HERC1: variants seen among roughly 807,000 people sequenced by gnomAD.
The protein encoded by HERC1 is probable E3 ubiquitin-protein ligase HERC1.
In HERC1, 160 loss-of-function variants were observed where a neutral mutation model predicts 554.3. The ratio of observed to expected loss-of-function variants is 0.29; its 90% confidence interval spans 0.25 to 0.33. The LOEUF (loss-of-function observed/expected upper bound fraction) is 0.33. HERC1 is among the 10% of genes least tolerant of loss of function. The probability of loss-of-function intolerance (pLI) is 1.00; values close to 1 mark genes in which losing one functional copy is unlikely to be tolerated. For synonymous variants in HERC1, 2,175 were observed against 2,131.7 expected (o/e 1.02, Z -0.56); for missense variants, 4,919 against 5,918.5 (o/e 0.83, Z 5.54).
rs371486775 is a variant in HERC1 at position 63,737,373 on chromosome 15, GAT to G, written c.2521-2526_2521-2525del. On this transcript the variant is annotated intron_variant, in intron 12 of 77. Coordinates refer to ENST00000443617, the MANE Select transcript of HERC1 (RefSeq NM_003922.4). ...CAGATATATATATATCTTTTTTCCA[GAT>G]ATATATATATATATCGTTTTTCCAG... is the stretch of plus-strand genomic sequence containing the variant. Among the ~76,000 whole-genome samples the G allele has an allele frequency of 9.3e-4, 105 of 113,328 alleles. 1 individual carries two copies. Among genetic ancestry groups the G allele is most frequent in the African/African-American group, 3.4e-3 (92 of 27,386 alleles). The allele number at this position is 113,328 out of a possible 152,430, so 74.3% of individuals were successfully genotyped here.
intron 1 of HERC1, chr15:63,779,831 T>C (rs62020784): frequency 0.23 from 34,376 of 151,656 alleles, 4,857 homozygotes; most frequent in Middle Eastern, 0.35. Context: ...CTTGCCAACA[T>C]GGTGAAACCC....
rs555363532 is a variant in HERC1 at position 63,705,846 on chromosome 15, T to C, written c.4636+934A>G. Reference sequence around the variant, plus strand: ...GGAGTTCAAGACCAGCCTGGGCAAATAGGGAGACCTTATCTCTACAAAAAT... The same window carrying C: ...GGAGTTCAAGACCAGCCTGGGCAAACAGGGAGACCTTATCTCTACAAAAAT... On this transcript the variant is annotated intron_variant, in intron 25 of 77. Coordinates refer to ENST00000443617, the MANE Select transcript of HERC1 (RefSeq NM_003922.4). Among the ~76,000 whole-genome samples, 6 of 151,866 alleles carry C rather than the reference T, an allele frequency of 4.0e-5. No homozygotes were observed. In the East Asian group the frequency reaches 5.8e-4, roughly 15 times the overall value.
intron 1 of HERC1, among the ~76,000 whole-genome samples, chr15:63,809,890 G>C (rs1004464994): frequency 2.0e-5 from 3 of 151,854 alleles, no homozygotes; most frequent in Non-Finnish European, 4.4e-5. Flanking sequence ...ATGTTGCCCA[G>C]ACTAGTCTCG....
intron 64 of HERC1, chr15:63,637,231 T>G: frequency 5.8e-6 from 3 of 515,718 alleles, no homozygotes; most frequent in Non-Finnish European, 1.1e-5. Context: ...CTACTTACAC[T>G]TTTGCAATTT....
At chr15:63,735,535 A>C (rs542746084) in intron 12 of HERC1, among the ~76,000 whole-genome samples, 1 of 150,884 alleles carries the variant, frequency 6.6e-6, no homozygotes. Context: ...CCTAAAATTT[A>C]AAGTATAAAA....
chr15:63,619,010 T>A (rs2152742378), intron 74 of HERC1, among the ~76,000 whole-genome samples: 1 of 152,252 alleles, frequency 6.6e-6, no homozygotes, highest in East Asian at 1.9e-4. Flanking sequence ...CTGATTGCCC[T>A]GGCCAGAACT....
intron 34 of HERC1, among the ~76,000 whole-genome samples, chr15:63,682,820 C>A (rs1317627032): frequency 6.6e-6 from 1 of 151,246 alleles, no homozygotes; most frequent in East Asian, 1.9e-4. Context: ...GCAACTACAT[C>A]TGGATGTATG....
chr15:63,683,208 C>T (rs1170648490), intron 34 of HERC1, among the ~76,000 whole-genome samples: 1 of 150,808 alleles, frequency 6.6e-6, no homozygotes, highest in Non-Finnish European at 1.5e-5. Flanking sequence ...TTCATAAATG[C>T]TAAAGTTTCA....
Position 63,674,795 on chromosome 15 carries a change from AAGCGATT to A in HERC1, c.7386_7392del (p.Glu2462AspfsTer5). On this transcript the variant is annotated frameshift_variant, in exon 38 of 78. Coordinates refer to ENST00000443617, the MANE Select transcript of HERC1 (RefSeq NM_003922.4). LOFTEE classifies it high-confidence loss of function. ...GGCAGTGTTGGATCTAAAGAAAATG[AAGCGATT>A]TCATTTTCTGATTTGGAGCTTGTGG... 1 of 1,613,946 alleles carries A rather than the reference AAGCGATT, an allele frequency of 6.2e-7. No homozygotes were observed. The highest frequency in any genetic ancestry group is 8.5e-7 in the Non-Finnish European group (1 of 1,179,864).
intron 57 of HERC1, 72 bp downstream of exon 57, chr15:63,644,920 C>T: frequency 2.6e-6 from 3 of 1,169,826 alleles, no homozygotes; most frequent in Non-Finnish European, 3.8e-6. Context: ...TTTTAGTAAC[C>T]AAGGGAGAAT....
chr15:63,666,145 T>C lies in HERC1; in HGVS notation c.8329A>G (p.Arg2777Gly). Residue 2777 changes from arginine to glycine, a missense_variant, in exon 42 of 78, where the codon AGG becomes GGG. Arg to Gly is a moderately radical substitution (Grantham distance 125). Transcript: ENST00000443617. Reference sequence around the variant, plus strand: ...ATATTCTGGGCATCAGCCTCTCCCCTAGCACCTATACAGGGGAAAAACAGT... The same window carrying C: ...ATATTCTGGGCATCAGCCTCTCCCCCAGCACCTATACAGGGGAAAAACAGT... ...IAKAMEATGARGEADAQNITV... is the reference protein window; with the variant it reads ...IAKAMEATGAGGEADAQNITV... 1 of 1,610,874 alleles carries C rather than the reference T, an allele frequency of 6.2e-7. No individual in the cohort carries two copies. The highest frequency in any genetic ancestry group is 2.2e-5 in the East Asian group (1 of 44,840).
rs1255344695 is a variant in HERC1 at position 63,692,436 on chromosome 15, A to G, written c.5805T>C (p.Asn1935=). The change falls in exon 31 of 78, where the codon AAT becomes AAC. Residue 1935 remains asparagine (N), a synonymous_variant. Coordinates refer to ENST00000443617, the MANE Select transcript of HERC1 (RefSeq NM_003922.4). The surrounding 1 kb of genome is among the most constrained non-coding windows in gnomAD (Gnocchi z 4.7). ...CTGAAGAACATTTCTGAGATGCTAT[A>G]TTTAGAAGCACTTCGGTCCACTTTG... ...ASPKWTEVLL[N]IASQKCSSGI... The G allele has an allele frequency of 1.2e-6, 2 of 1,610,926 alleles. No homozygotes were observed. Among genetic ancestry groups the G allele is most frequent in the African/African-American group, 1.3e-5 (1 of 74,672 alleles).
chr15:63,649,964 C>G, intron 53 of HERC1, 39 bp from the exon 54 acceptor site: 2 of 1,441,088 alleles, frequency 1.4e-6, no homozygotes, highest in Non-Finnish European at 1.9e-6. Context: ...TTACTTAATT[C>G]TTAAAAAGAA....
At chr15:63,696,059 A>T in intron 27 of HERC1, 65 bp downstream of exon 27, 2 of 1,202,956 alleles carry the variant, frequency 1.7e-6, no homozygotes, top group Non-Finnish European at 2.4e-6. Flanking sequence ...AAAAAGTTTC[A>T]CATTATTAAA....
intron 1 of HERC1, among the ~76,000 whole-genome samples, chr15:63,823,653 T>C (rs1227454804): frequency 1.3e-5 from 2 of 152,230 alleles, no homozygotes; most frequent in Non-Finnish European, 2.9e-5. Context: ...AGTGCCATCC[T>C]ACATTGGAGA....
chr15:63,744,162 G>GTCTCTCTC (rs1567078071), intron 12 of HERC1, among the ~76,000 whole-genome samples: 1 of 35,710 alleles, frequency 2.8e-5, no homozygotes, highest in African/African-American at 8.3e-5. Context: ...GTGTGTGTGT[G>GTCTCTCTC]TGTCTCTCTC....
At chr15:63,642,886 G>A in intron 59 of HERC1, 71 bp downstream of exon 59, 4 of 868,552 alleles carry the variant, frequency 4.6e-6, no homozygotes, top group Non-Finnish European at 7.7e-6. Context: ...ATAAAGTGGG[G>A]TGGTTAGACT....
chr15:63,808,124 CAAA>C (rs148179105), intron 1 of HERC1, among the ~76,000 whole-genome samples: 1 of 144,730 alleles, frequency 6.9e-6, no homozygotes, highest in Non-Finnish European at 1.5e-5. Flanking sequence ...TTCTAGTTGA[CAAA>C]AAAAAAAAAA....
chr15:63,832,783 C>G (rs528323262), intron 1 of HERC1, among the ~76,000 whole-genome samples: 2 of 152,046 alleles, frequency 1.3e-5, no homozygotes, highest in South Asian at 4.2e-4. Context: ...TAAAATAAAT[C>G]ATTTTTGGAA....
Sources: allele counts gnomAD v4.1 joint callset (sites outside exome capture counted in the v4.1 genomes callset), GRCh38; gene constraint gnomAD v4.1.1; non-coding constraint Gnocchi (gnomAD v3.1); transcripts MANE v1.5; gene names NCBI Gene and HGNC (gene_info 2026-07-23, HGNC 2026-07-21).